The following TAF5L variants were observed in gnomAD, a reference collection of about 807,000 sequenced individuals.
The protein encoded by TAF5L is TAF5-like RNA polymerase II p300/CBP-associated factor-associated factor 65 kDa subunit 5L.
A neutral mutation model predicts 51.3 loss-of-function variants in TAF5L; 7 were observed. The ratio of observed to expected loss-of-function variants is 0.14; its 90% confidence interval spans 0.08 to 0.26. TAF5L has a LOEUF of 0.26. Among genes scored for constraint, TAF5L ranks in the 10% least tolerant of loss-of-function variants. The pLI, the probability that TAF5L is intolerant of heterozygous loss-of-function variation, is 1.00. For missense variants in TAF5L, 575 were observed against 758.9 expected (o/e 0.76, Z 2.85); for synonymous variants, 291 against 308.1 (o/e 0.94, Z 0.58).
In TAF5L at chr1:229,594,319, G is replaced by GT. The variant is rs1191548509; in HGVS notation, c.1747dup (p.Thr583AsnfsTer11). On this transcript the variant is annotated frameshift_variant, in exon 5 of 5. Coordinates refer to ENST00000258281, the Ensembl canonical transcript of TAF5L. LOFTEE classifies it high-confidence loss of function. The surrounding 1 kb of genome is among the most constrained non-coding windows in gnomAD (Gnocchi z 7.9). ...AAATTAATGTTCCTGATTTTCTTGT[G>GT]TAATTCCAGTCACCAGAAGAAGGTT... is the stretch of plus-strand genomic sequence containing the variant. 9.3e-6 allele frequency: 15 copies of GT among 1,608,736 alleles called. No individual in the cohort carries two copies. Among genetic ancestry groups the GT allele is most frequent in the Non-Finnish European group, 1.3e-5 (15 of 1,176,208 alleles).
intron 1 of TAF5L, among the ~76,000 whole-genome samples, chr1:229,620,556 C>T (rs1156401995): frequency 6.6e-6 from 1 of 152,204 alleles, no homozygotes; most frequent in African/African-American, 2.4e-5. Context: ...ATGGAGAGTT[C>T]CCTGAGGACA....
chr1:229,605,182 C>G (rs1235592553), intron 3 of TAF5L, among the ~76,000 whole-genome samples: 2 of 151,726 alleles, frequency 1.3e-5, no homozygotes, highest in Non-Finnish European at 2.9e-5. Context: ...TGGTCTTGAG[C>G]TCCTGACTTT....
rs773305728 is a variant in TAF5L at position 229,594,645 on chromosome 1, G to A, written c.1422C>T (p.Leu474=). 33 of 1,614,062 alleles carry A rather than the reference G, an allele frequency of 2.0e-5. No individual in the cohort carries two copies. The highest frequency in any genetic ancestry group is 1.3e-4 in the Admixed American group (8 of 60,002). The change falls in exon 5 of 5, where the codon CTC becomes CTT. Residue 474 remains leucine, a synonymous_variant. Coordinates refer to ENST00000258281, the Ensembl canonical transcript of TAF5L. The surrounding 1 kb of genome is among the most constrained non-coding windows in gnomAD (Gnocchi z 7.9). ...AGTACTTACCGTTGGGAGAAAAGGCGAGAGAAAGCACGGGGCCACGGTGGC... is the reference window on the plus strand; with the variant it reads ...AGTACTTACCGTTGGGAGAAAAGGCAAGAGAAAGCACGGGGCCACGGTGGC...
chr1:229,612,743 G>T (rs1664834368), intron 2 of TAF5L, among the ~76,000 whole-genome samples: 1 of 152,158 alleles, frequency 6.6e-6, no homozygotes, highest in South Asian at 2.1e-4. Flanking sequence ...GACTTTGAAG[G>T]TATATGAAAA....
At chr1:229,623,633 T>A (rs1665306840) in intron 1 of TAF5L, among the ~76,000 whole-genome samples, 1 of 152,242 alleles carries the variant, frequency 6.6e-6, no homozygotes, top group African/African-American at 2.4e-5. Flanking sequence ...CCTATTCTTG[T>A]CTGTTTCATA....
Position 229,610,027 on chromosome 1 carries a change from C to T in TAF5L, c.247+79G>A, listed in dbSNP as rs1046591184. 4.9e-6 allele frequency: 6 copies of T among 1,221,530 alleles called. No individual in the cohort carries two copies. In the East Asian group the frequency reaches 1.4e-4, roughly 29 times the overall value. 75.7% of individuals were successfully genotyped at this position (1,221,530 alleles called of 1,614,324 possible). On this transcript the variant is annotated intron_variant, in intron 3 of 4. Coordinates refer to ENST00000258281, the Ensembl canonical transcript of TAF5L. Reference sequence around the variant, plus strand: ...ACCGCTCCTTGTGGAGCAGGGCTAACTCACAAGCAGTGTGCCCAAAGTTGG... The same window carrying T: ...ACCGCTCCTTGTGGAGCAGGGCTAATTCACAAGCAGTGTGCCCAAAGTTGG...
intron 3 of TAF5L, chr1:229,607,358 CA>C: frequency 6.1e-6 from 6 of 985,464 alleles, no homozygotes; most frequent in Non-Finnish European, 7.2e-6. Context: ...ATTCCTCTTA[CA>C]AATAATTTTA....
At position 229,594,189 on chromosome 1, in the gene TAF5L, G is replaced by C. The variant is rs928582109; in HGVS notation, c.*108C>G. The C allele has an allele frequency of 7.9e-7, 1 of 1,270,260 alleles. No homozygotes were observed. Among genetic ancestry groups the C allele is most frequent in the African/African-American group, 1.5e-5 (1 of 66,574 alleles). The allele number at this position is 1,270,260 out of a possible 1,614,324, so 78.7% of individuals were successfully genotyped here. On this transcript the variant is annotated 3_prime_UTR_variant, in exon 5 of 5. Coordinates refer to ENST00000258281, the Ensembl canonical transcript of TAF5L. This position sits in a 1 kb window ranked among gnomAD's most constrained non-coding sequence, Gnocchi z 7.9. ...CCCGGAATGAGGGCCCAGGAGAGAG[G>C]GGAGGAGGGGGCTCTTTCACAGTCA...
At chr1:229,622,467 T>C (rs569856812) in intron 1 of TAF5L, among the ~76,000 whole-genome samples, 52 of 152,286 alleles carry the variant, frequency 3.4e-4, no homozygotes, top group African/African-American at 1.3e-3. Flanking sequence ...TCTTCATGCT[T>C]TCTGTAAGTG....
intron 3 of TAF5L, among the ~76,000 whole-genome samples, chr1:229,605,128 A>ATATATATATATATATATATT (rs1340196774): frequency 6.9e-6 from 1 of 145,098 alleles, no homozygotes; most frequent in Admixed American, 6.9e-5. Context: ...ATATATATGT[A>ATATATATATATATATATATT]TTTTTTTTTT....
intron 4 of TAF5L, among the ~76,000 whole-genome samples, chr1:229,595,695 C>T (rs1004916206): frequency 4.6e-5 from 7 of 151,876 alleles, no homozygotes; most frequent in Admixed American, 1.3e-4. Flanking sequence ...GATGGAGTTT[C>T]GCTCTTGTTG....
intron 1 of TAF5L, among the ~76,000 whole-genome samples, chr1:229,620,776 T>C (rs1665171317): frequency 6.6e-6 from 1 of 152,124 alleles, no homozygotes; most frequent in African/African-American, 2.4e-5. Flanking sequence ...TTACTTACTA[T>C]GCTTGACTAC....
intron 4 of TAF5L, chr1:229,600,245 A>C (rs1664321557): frequency 7.1e-6 from 7 of 985,202 alleles, no homozygotes; most frequent in Non-Finnish European, 8.4e-6. Context: ...TGCTGTGATA[A>C]AATGGGCGGG....
intron 3 of TAF5L, chr1:229,606,866 C>T (rs183607527): frequency 2.0e-6 from 2 of 985,436 alleles, no homozygotes; most frequent in Admixed American, 1.2e-4. Context: ...AATCTCTCAT[C>T]TACAGACAAC....
chr1:229,601,916 A>G (rs569668299), intron 4 of TAF5L: 1 of 1,197,640 alleles, frequency 8.3e-7, no homozygotes, highest in African/African-American at 1.6e-5. Flanking sequence ...AATATTAGCT[A>G]AAGGTCTTTC....
At chr1:229,607,022 CTT>C in intron 3 of TAF5L, 1 of 985,400 alleles carries the variant, frequency 1.0e-6, no homozygotes, top group Non-Finnish European at 1.2e-6. Context: ...TATTACAAGT[CTT>C]TATCTTTCTC....
chr1:229,596,464 T>A (rs1285763914), intron 4 of TAF5L, among the ~76,000 whole-genome samples: 1 of 152,098 alleles, frequency 6.6e-6, no homozygotes, highest in Non-Finnish European at 1.5e-5. Flanking sequence ...AAGAATGAAG[T>A]TTTTAAAGTG....
intron 1 of TAF5L, among the ~76,000 whole-genome samples, chr1:229,616,210 C>T (rs1320848920): frequency 6.6e-6 from 1 of 151,998 alleles, no homozygotes; most frequent in Non-Finnish European, 1.5e-5. Flanking sequence ...GATGGGGTTT[C>T]ACCATGTTGG....
chr1:229,594,777 G>A lies in TAF5L; in HGVS notation c.1290C>T (p.Asp430=). Residue 430 remains aspartate, a synonymous_variant, in exon 5 of 5, where the codon GAC becomes GAT. Transcript: ENST00000258281. The surrounding 1 kb of genome is among the most constrained non-coding windows in gnomAD (Gnocchi z 7.9). The stretch of plus-strand genomic sequence containing the variant: ...TTGAATTAGGGTGGAATTTGACACA[G>A]TCCACATCTGCCAGGTGTCCTGCAT... 2 of 1,614,236 alleles carry A rather than the reference G, an allele frequency of 1.2e-6. No homozygotes were observed. Among genetic ancestry groups the A allele is most frequent in the South Asian group, 1.1e-5 (1 of 91,084 alleles).
Sources: allele counts gnomAD v4.1 joint callset (sites outside exome capture counted in the v4.1 genomes callset), GRCh38; gene constraint gnomAD v4.1.1; non-coding constraint Gnocchi (gnomAD v3.1); transcripts MANE v1.5; gene names NCBI Gene and HGNC (gene_info 2026-07-23, HGNC 2026-07-21).